Variants in FNDC3B observed in about 807,000 individuals in gnomAD.
FNDC3B encodes fibronectin type III domain containing 3B.
A neutral mutation model predicts 151.5 loss-of-function variants in FNDC3B; 12 were observed. The observed-to-expected ratio is 0.08, with a 90% CI of 0.05 to 0.13. FNDC3B has a LOEUF of 0.13. Ranked by LOEUF, FNDC3B falls within the 10% of genes least tolerant of loss-of-function variation. FNDC3B has a pLI of 1.00. For synonymous variants in FNDC3B, 528 were observed against 549.0 expected (o/e 0.96, Z 0.54); for missense variants, 1,214 against 1,505.3 (o/e 0.81, Z 3.20).
chr3:172,214,657 AT>A (rs150757156), intron 3 of FNDC3B, among the ~76,000 whole-genome samples: 9 of 151,074 alleles, frequency 6.0e-5, no homozygotes, highest in South Asian at 2.1e-4. Flanking sequence ...TATTTGGTTC[AT>A]TTTTTTTTCC....
intron 3 of FNDC3B, among the ~76,000 whole-genome samples, chr3:172,207,561 G>T (rs1176264884): frequency 6.6e-6 from 1 of 152,148 alleles, no homozygotes; most frequent in Non-Finnish European, 1.5e-5. Flanking sequence ...GTTTACCTGG[G>T]CTCAGGAGGG....
chr3:172,333,379 T>C (rs749758427), intron 14 of FNDC3B, among the ~76,000 whole-genome samples: 2 of 152,148 alleles, frequency 1.3e-5, no homozygotes, highest in Admixed American at 6.5e-5. Flanking sequence ...TGGAGTGCAG[T>C]GGCACGATCT....
chr3:172,208,130 A>AT (rs1435147323), intron 3 of FNDC3B, among the ~76,000 whole-genome samples: 1 of 152,018 alleles, frequency 6.6e-6, no homozygotes, highest in Non-Finnish European at 1.5e-5. Context: ...CTGAACCTTT[A>AT]TTTTTTTCTT....
chr3:172,380,259 T>C (rs571982661), intron 24 of FNDC3B, among the ~76,000 whole-genome samples: 4 of 152,228 alleles, frequency 2.6e-5, no homozygotes, highest in South Asian at 2.1e-4. Context: ...GCTGTAGAGA[T>C]AGAAGTTATG....
chr3:172,258,905 T>C (rs1259796502), intron 6 of FNDC3B, among the ~76,000 whole-genome samples: 1 of 152,218 alleles, frequency 6.6e-6, no homozygotes, highest in Non-Finnish European at 1.5e-5. Context: ...TTTTTCTGTC[T>C]TGTGAGCACA....
intron 7 of FNDC3B, 43 bp downstream of exon 7, chr3:172,286,027 G>T: frequency 6.9e-7 from 1 of 1,440,696 alleles, no homozygotes; most frequent in Non-Finnish European, 9.6e-7. Flanking sequence ...ACTTTTTAAA[G>T]TATTTCAAAT....
At chr3:172,074,286 T>G (rs1717907259) in intron 1 of FNDC3B, among the ~76,000 whole-genome samples, 1 of 152,230 alleles carries the variant, frequency 6.6e-6, no homozygotes, top group Non-Finnish European at 1.5e-5. Context: ...TATTCAGACC[T>G]AATTCTCTGC....
At chr3:172,259,383 A>G (rs1728526722) in intron 6 of FNDC3B, among the ~76,000 whole-genome samples, 1 of 152,198 alleles carries the variant, frequency 6.6e-6, no homozygotes, top group African/African-American at 2.4e-5. Flanking sequence ...CTGCTTAGTT[A>G]TAGAGGCCTC....
intron 21 of FNDC3B, 103 bp downstream of exon 21, chr3:172,347,464 A>G (rs1576934371): frequency 1.2e-6 from 1 of 819,160 alleles, no homozygotes; most frequent in Non-Finnish European, 1.8e-6. Context: ...GTCAGGAGGG[A>G]TGATATGGAA....
intron 3 of FNDC3B, among the ~76,000 whole-genome samples, chr3:172,166,008 G>T (rs1417935369): frequency 6.6e-6 from 1 of 152,126 alleles, no homozygotes; most frequent in East Asian, 1.9e-4. Flanking sequence ...GTGAATGAGA[G>T]CTAATCTTTT....
intron 1 of FNDC3B, among the ~76,000 whole-genome samples, chr3:172,041,620 C>CTT (rs11386443): frequency 6.0e-5 from 9 of 150,804 alleles, no homozygotes; most frequent in Middle Eastern, 3.4e-3. Flanking sequence ...TGGAATAACA[C>CTT]TTTTTTTTTG....
chr3:172,191,794 G>C (rs1724522826), intron 3 of FNDC3B, among the ~76,000 whole-genome samples: 1 of 152,034 alleles, frequency 6.6e-6, no homozygotes, highest in African/African-American at 2.4e-5. Flanking sequence ...TCAAATTCTT[G>C]TGTCAGGCAC....
intron 6 of FNDC3B, among the ~76,000 whole-genome samples, chr3:172,266,350 C>T (rs1397695783): frequency 6.6e-6 from 1 of 151,892 alleles, no homozygotes; most frequent in Non-Finnish European, 1.5e-5. Flanking sequence ...TCTTTTTTTT[C>T]CCCCATAGAG....
Position 172,245,669 on chromosome 3 carries a change from A to G in FNDC3B, c.265-1864A>G, listed in dbSNP as rs1448104508. Among the ~76,000 whole-genome samples the G allele has an allele frequency of 3.3e-5, 5 of 151,474 alleles. No homozygotes were observed. In the East Asian group the frequency reaches 9.6e-4, roughly 29 times the overall value. ...TGATAATTATCAATACATGCATGAG[A>G]ATTTCCAATGTCATGGTTTAAGCAC... On this transcript the variant is annotated intron_variant, in intron 4 of 25. Coordinates refer to ENST00000415807, the MANE Select transcript of FNDC3B (RefSeq NM_022763.4).
chr3:172,095,795 AC>A (rs980892295), intron 1 of FNDC3B, among the ~76,000 whole-genome samples: 2 of 17,404 alleles, frequency 1.1e-4, no homozygotes, highest in Admixed American at 8.3e-4. Flanking sequence ...TGTTAAAAAA[AC>A]AAACAAACAA....
intron 3 of FNDC3B, chr3:172,186,823 C>G (rs377237640): frequency 2.9e-6 from 2 of 684,250 alleles, no homozygotes; most frequent in African/African-American, 3.6e-5. Context: ...TTCTTCATTA[C>G]GAGCACTTCG....
chr3:172,118,339 C>T (rs1720364394), intron 2 of FNDC3B, among the ~76,000 whole-genome samples: 1 of 152,214 alleles, frequency 6.6e-6, no homozygotes, highest in Admixed American at 6.5e-5. Context: ...CCTGTCACCT[C>T]ACAGGTTTAC....
chr3:172,326,535 G>T (rs77682253), intron 11 of FNDC3B, among the ~76,000 whole-genome samples: 4 of 152,282 alleles, frequency 2.6e-5, no homozygotes, highest in African/African-American at 9.6e-5. Flanking sequence ...GTTTGTTTTT[G>T]AGATGGAGTC....
intron 8 of FNDC3B, among the ~76,000 whole-genome samples, chr3:172,297,082 G>A (rs1258124403): frequency 6.6e-6 from 1 of 152,154 alleles, no homozygotes; most frequent in Non-Finnish European, 1.5e-5. Flanking sequence ...TGTTGCCATC[G>A]AAAGGAAGCA....
Sources: gnomAD v4.1 joint callset for allele counts (sites outside exome capture counted in the v4.1 genomes callset) on GRCh38, gnomAD v4.1.1 for gene constraint, MANE v1.5 for transcripts, NCBI Gene and HGNC (gene_info 2026-07-23, HGNC 2026-07-21) for gene names.